TNRC6A: variants seen among roughly 807,000 people sequenced by gnomAD.
The protein encoded by TNRC6A is trinucleotide repeat containing adaptor 6A.
In TNRC6A, 44 loss-of-function variants were observed where a neutral mutation model predicts 221.2. That is an observed-to-expected ratio of 0.20 (90% confidence interval 0.16 to 0.26). The LOEUF is 0.26. Among genes scored for constraint, TNRC6A ranks in the 10% least tolerant of loss-of-function variants. TNRC6A has a pLI of 1.00. For missense variants in TNRC6A, 2,199 were observed against 2,404.4 expected, an observed-to-expected ratio of 0.91 and a Z score of 1.79; for synonymous variants, 847 against 838.5, an observed-to-expected ratio of 1.01 and a Z score of -0.18.
chr16:24,754,004 C>T (rs956074906), intron 3 of TNRC6A, among the ~76,000 whole-genome samples: 3 of 152,090 alleles, frequency 2.0e-5, no homozygotes, highest in Non-Finnish European at 4.4e-5. Flanking sequence ...AGAACATTAT[C>T]TTATACTTTG....
In TNRC6A at chr16:24,656,481, AGAG is replaced by A. The variant is rs1424861489; in HGVS notation, n.402+15473_402+15475del. Among the ~76,000 whole-genome samples, 440 of 116,492 alleles carry A rather than the reference AGAG, an allele frequency of 3.8e-3. 1 individual carries two copies. The highest frequency in any genetic ancestry group is 0.012 in the African/African-American group (408 of 35,408). 76.4% of individuals were successfully genotyped at this position (116,492 alleles called of 152,430 possible). The stretch of plus-strand genomic sequence containing the variant: ...GACTCCATCTCAAAAAAAAAAAAAA[AGAG>A]AGAGAGAGAGAAAAAGAAGTACATA... On this transcript the variant is annotated intron_variant and non_coding_transcript_variant, in intron 2 of 2. Coordinates refer to the TNRC6A transcript ENST00000566108.
At chr16:24,747,237 T>C (rs2057032885) in intron 2 of TNRC6A, among the ~76,000 whole-genome samples, 1 of 152,224 alleles carries the variant, frequency 6.6e-6, no homozygotes, top group South Asian at 2.1e-4. Flanking sequence ...CTTGTAATTA[T>C]CACTCCAATC....
At chr16:24,807,711 G>C (rs2058463892) in intron 17 of TNRC6A, among the ~76,000 whole-genome samples, 1 of 137,830 alleles carries the variant, frequency 7.3e-6, no homozygotes. Flanking sequence ...CTTATATGTT[G>C]TTTCTTTCCT....
intron 2 of TNRC6A, among the ~76,000 whole-genome samples, chr16:24,665,429 A>G (rs2141952329): frequency 6.6e-6 from 1 of 152,278 alleles, no homozygotes; most frequent in Non-Finnish European, 1.5e-5. Context: ...TCAGAGAATC[A>G]GGGCAGAGCA....
chr16:24,700,216 T>G (rs1212458981), intron 2 of TNRC6A, among the ~76,000 whole-genome samples: 1 of 151,920 alleles, frequency 6.6e-6, no homozygotes, highest in Admixed American at 6.6e-5. Flanking sequence ...CTGGGCAACA[T>G]AGTGAGACCC....
chr16:24,745,269 C>T (rs1355110776), intron 2 of TNRC6A, among the ~76,000 whole-genome samples: 1 of 152,198 alleles, frequency 6.6e-6, no homozygotes, highest in African/African-American at 2.4e-5. Context: ...CAGTTTTCAT[C>T]TCTACTGTCT....
At chr16:24,777,456 A>G (rs2057750304) in intron 5 of TNRC6A, 98 bp downstream of exon 5, 4 of 1,215,584 alleles carry the variant, frequency 3.3e-6, no homozygotes, top group East Asian at 2.3e-5. Context: ...ATTTGTATTC[A>G]TCAGTATGTG....
At chr16:24,613,778 C>A (rs919841501) in intron 1 of TNRC6A, among the ~76,000 whole-genome samples, 1 of 152,032 alleles carries the variant, frequency 6.6e-6, no homozygotes, top group African/African-American at 2.4e-5. Context: ...TCAGGTGATC[C>A]GCCTGCCTTG....
rs572281167 is a variant in TNRC6A, at chr16:24,678,072, G to A, written n.402+37063G>A. ...TGCCTGTAATCCTAACACTTTGGGA[G>A]GCCGAGGTGGGTGAATTGCCTGAGC... On this transcript the variant is annotated intron_variant and non_coding_transcript_variant, in intron 2 of 2. Coordinates refer to the TNRC6A transcript ENST00000566108. Among the ~76,000 whole-genome samples, 234 of 152,222 alleles carry A rather than the reference G, an allele frequency of 1.5e-3. 1 individual carries two copies. Among genetic ancestry groups the A allele is most frequent in the African/African-American group, 5.4e-3 (224 of 41,544 alleles).
chr16:24,673,157 A>G (rs1451568291), intron 2 of TNRC6A, among the ~76,000 whole-genome samples: 1 of 152,154 alleles, frequency 6.6e-6, no homozygotes, highest in Non-Finnish European at 1.5e-5. Flanking sequence ...CTGGGCAACA[A>G]AGCAAGACTC....
intron 2 of TNRC6A, among the ~76,000 whole-genome samples, chr16:24,673,729 T>A (rs2055351820): frequency 6.6e-6 from 1 of 152,032 alleles, no homozygotes; most frequent in African/African-American, 2.4e-5. Context: ...CCCAGCTAAT[T>A]TTTCTAATTT....
At chr16:24,652,134 G>A (rs1902705936) in intron 2 of TNRC6A, among the ~76,000 whole-genome samples, 1 of 150,540 alleles carries the variant, frequency 6.6e-6, no homozygotes, top group Non-Finnish European at 1.5e-5. Context: ...TTGGAGAGAG[G>A]AAACTTAGAT....
intron 2 of TNRC6A, among the ~76,000 whole-genome samples, chr16:24,708,958 G>GT (rs1388733922): frequency 5.3e-5 from 8 of 152,040 alleles, no homozygotes; most frequent in Non-Finnish European, 1.2e-4. Flanking sequence ...TGCCATAAAC[G>GT]TAAGTGTGCA....
Position 24,790,335 on chromosome 16 carries a change from G to A in TNRC6A, c.1693G>A (p.Val565Ile). The A allele has an allele frequency of 6.2e-7, 1 of 1,614,224 alleles. No individual in the cohort carries two copies. The highest frequency in any genetic ancestry group is 1.1e-5 in the South Asian group (1 of 91,086). ...VNGPMGTNFQVNTNKGGGVWE... is the reference protein window; with the variant it reads ...VNGPMGTNFQINTNKGGGVWE... ...TGGTCCTATGGGCACTAACTTTCAA[G>A]TTAACACAAACAAAGGAGGTGGTGT... The change falls in exon 6 of 25, where the codon GTT becomes ATT. Residue 565 changes from valine (V) to isoleucine (I), a missense_variant. By Grantham distance (29) the Val-to-Ile change is conservative. Coordinates refer to ENST00000395799, the MANE Select transcript of TNRC6A (RefSeq NM_014494.4).
intron 14 of TNRC6A, 93 bp downstream of exon 14, chr16:24,805,244 A>T: frequency 6.7e-7 from 1 of 1,503,650 alleles, no homozygotes; most frequent in Non-Finnish European, 9.1e-7. Context: ...AAGCATTATC[A>T]TATTTATTGG....
intron 1 of TNRC6A, among the ~76,000 whole-genome samples, chr16:24,611,751 T>C (rs1402595396): frequency 6.6e-6 from 1 of 152,108 alleles, no homozygotes; most frequent in Non-Finnish European, 1.5e-5. Context: ...CTTGCAGATA[T>C]ATTACATATA....
chr16:24,623,182 T>C (rs1023330843), intron 1 of TNRC6A, among the ~76,000 whole-genome samples: 2 of 142,948 alleles, frequency 1.4e-5, no homozygotes, highest in African/African-American at 2.8e-5. Flanking sequence ...TATTTATTTA[T>C]TTATTTATTT....
intron 1 of TNRC6A, among the ~76,000 whole-genome samples, chr16:24,616,824 G>A (rs566276887): frequency 6.6e-6 from 1 of 152,226 alleles, no homozygotes; most frequent in East Asian, 1.9e-4. Context: ...AGGAGCCTGA[G>A]GCAGGAGAAC....
At chr16:24,618,816 G>A (rs986856674) in intron 1 of TNRC6A, among the ~76,000 whole-genome samples, 4 of 151,318 alleles carry the variant, frequency 2.6e-5, no homozygotes, top group African/African-American at 9.7e-5. Flanking sequence ...TTTAAGTAGA[G>A]ATGGGGTTTC....
Sources: allele counts gnomAD v4.1 joint callset (sites outside exome capture counted in the v4.1 genomes callset), GRCh38; gene constraint gnomAD v4.1.1; transcripts MANE v1.5; gene names NCBI Gene and HGNC (gene_info 2026-07-23, HGNC 2026-07-21).